YWHAQ: variants seen among roughly 807,000 people sequenced by gnomAD.
YWHAQ encodes tyrosine 3-monooxygenase/tryptophan 5-monooxygenase activation protein theta.
A neutral mutation model predicts 28.3 loss-of-function variants in YWHAQ; 6 were observed. The ratio of observed to expected loss-of-function variants is 0.21; its 90% CI spans 0.12 to 0.42. YWHAQ has a LOEUF of 0.42. YWHAQ is among the 10% of genes least tolerant of loss of function. The probability of loss-of-function intolerance (pLI) is 1.00; values close to 1 mark genes in which losing one functional copy is unlikely to be tolerated. For missense variants in YWHAQ, 201 were observed against 305.6 expected, an observed-to-expected ratio of 0.66 and a Z score of 2.55; for synonymous variants, 143 against 119.1, an observed-to-expected ratio of 1.20 and a Z score of -1.31.
chr2:9,596,686 C>A (rs1666577142), intron 2 of YWHAQ, among the ~76,000 whole-genome samples: 1 of 143,442 alleles, frequency 7.0e-6, no homozygotes, highest in South Asian at 2.2e-4. Flanking sequence ...AAGATAAAGC[C>A]AAATCTAAGC....
At chr2:9,595,456 G>A (rs564774856) in intron 2 of YWHAQ, among the ~76,000 whole-genome samples, 1 of 152,272 alleles carries the variant, frequency 6.6e-6, no homozygotes, top group East Asian at 1.9e-4. Context: ...TGTTATCCCA[G>A]CACTTTGGGA....
intron 2 of YWHAQ, among the ~76,000 whole-genome samples, chr2:9,595,640 G>T (rs367714902): frequency 6.9e-6 from 1 of 144,328 alleles, no homozygotes; most frequent in African/African-American, 2.6e-5. Context: ...GGAGGCAGAA[G>T]TTCCAGTGAG....
chr2:9,604,212 A>ATTCT (rs1666772853), intron 2 of YWHAQ, among the ~76,000 whole-genome samples: 3 of 152,104 alleles, frequency 2.0e-5, no homozygotes, highest in Non-Finnish European at 4.4e-5. Context: ...GAGTTAGAAG[A>ATTCT]ATTTTTCTTA....
At chr2:9,588,374 C>T (rs1666389104) in intron 3 of YWHAQ, 46 bp from the exon 4 acceptor site, 11 of 1,590,582 alleles carry the variant, frequency 6.9e-6, no homozygotes, top group Non-Finnish European at 9.4e-6. Context: ...AAATAACCAT[C>T]CAGTACACAG....
At position 9,630,478 on chromosome 2, in the gene YWHAQ, C is replaced by G. The variant is rs1443197542; in HGVS notation, c.-26G>C. 4 of 1,566,904 alleles carry G rather than the reference C, an allele frequency of 2.6e-6. No homozygotes were observed. The East Asian group carries it at 9.1e-5, about 36-fold the overall frequency. ...GGCGGGCGCGGGGCCGGGGCCGGGG[C>G]GGAGGGCGAGGAGAGCGAGGGCGAG... On this transcript the variant is annotated 5_prime_UTR_variant, in exon 2 of 6. Coordinates refer to ENST00000238081, the MANE Select transcript of YWHAQ (RefSeq NM_006826.4). The surrounding 1 kb of genome is among the most constrained non-coding windows in gnomAD (Gnocchi z 5.6).
chr2:9,628,572 G>A (rs1159965662), intron 2 of YWHAQ: 1 of 152,184 alleles, frequency 6.6e-6, no homozygotes, highest in African/African-American at 2.4e-5. Context: ...AATGAAATAT[G>A]CTGTAAGAGT....
At chr2:9,619,998 G>A (rs1277033183) in intron 2 of YWHAQ, among the ~76,000 whole-genome samples, 2 of 152,190 alleles carry the variant, frequency 1.3e-5, no homozygotes, top group Non-Finnish European at 2.9e-5. Context: ...AACAACAGCA[G>A]TAAGAGTTAT....
chr2:9,592,942 CT>C (rs1369739858), intron 2 of YWHAQ, among the ~76,000 whole-genome samples: 2 of 152,064 alleles, frequency 1.3e-5, no homozygotes, highest in Non-Finnish European at 2.9e-5. Context: ...AAAAGCACTG[CT>C]CTAGGAAAAG....
At chr2:9,585,464 G>T in intron 5 of YWHAQ, 119 bp from the exon 6 acceptor site, 1 of 1,121,524 alleles carries the variant, frequency 8.9e-7, no homozygotes, top group South Asian at 1.4e-5. Context: ...TGGAGATCTT[G>T]ACTAAGACTG....
At chr2:9,625,261 C>T (rs1016041816) in intron 2 of YWHAQ, among the ~76,000 whole-genome samples, 5 of 101,128 alleles carry the variant, frequency 4.9e-5, no homozygotes, top group Non-Finnish European at 1.0e-4. Context: ...GACTCCATCA[C>T]AAAAAAAAAA....
intron 3 of YWHAQ, 139 bp from the exon 4 acceptor site, chr2:9,588,467 A>G: frequency 9.6e-7 from 1 of 1,038,646 alleles, no homozygotes; most frequent in Non-Finnish European, 1.4e-6. Context: ...AAATCATGGT[A>G]GCTAACAAAA....
intron 2 of YWHAQ, among the ~76,000 whole-genome samples, chr2:9,602,988 GTTGAACTTACAGGCATA>G: frequency 6.8e-6 from 1 of 146,074 alleles, no homozygotes; most frequent in East Asian, 2.1e-4. Context: ...CTCCCCAAGT[GTTGAACTTACAGGCATA>G]AGCCACCTCA....
intron 5 of YWHAQ, among the ~76,000 whole-genome samples, chr2:9,586,773 T>G (rs1174250447): frequency 3.3e-5 from 5 of 152,236 alleles, no homozygotes; most frequent in Non-Finnish European, 7.3e-5. Context: ...TTAAAAGATT[T>G]GTTCCCTTCT....
At chr2:9,590,454 T>C (rs1373111619) in intron 3 of YWHAQ, among the ~76,000 whole-genome samples, 1 of 152,182 alleles carries the variant, frequency 6.6e-6, no homozygotes, top group Non-Finnish European at 1.5e-5. Flanking sequence ...TAACTATTTG[T>C]AGGGGTATAT....
chr2:9,618,808 C>G (rs1667086698), intron 2 of YWHAQ, among the ~76,000 whole-genome samples: 1 of 151,928 alleles, frequency 6.6e-6, no homozygotes, highest in African/African-American at 2.4e-5. Context: ...GCCACCCTGC[C>G]CAGCCTATGT....
intron 2 of YWHAQ, among the ~76,000 whole-genome samples, chr2:9,624,471 CATTTT>C (rs1667205899): frequency 6.6e-6 from 1 of 152,172 alleles, no homozygotes; most frequent in Admixed American, 6.5e-5. Context: ...TAATACAGCT[CATTTT>C]ATTTATGGAC....
intron 2 of YWHAQ, among the ~76,000 whole-genome samples, chr2:9,593,512 A>G (rs1356642716): frequency 6.6e-6 from 1 of 152,086 alleles, no homozygotes; most frequent in East Asian, 1.9e-4. Context: ...CCTGGCCCAT[A>G]AGTTATTTTT....
In YWHAQ at chr2:9,630,182, T is replaced by G. The variant is rs372545955; in HGVS notation, c.271A>C (p.Arg91=). The G allele has an allele frequency of 1.9e-6, 3 of 1,613,748 alleles. No individual in the cohort carries two copies. The highest frequency in any genetic ancestry group is 8.5e-7 in the Non-Finnish European group (1 of 1,180,022). ...ACCAGCACCGTGGTGCAGATGGATC[T>G]CAGCTCGGACTCCACTTTCTCCCGA... is the stretch of plus-strand genomic sequence containing the variant. ...DYREKVESEL[R]SICTTVLELL... The change falls in exon 2 of 6, where the codon AGA becomes CGA. Residue 91 remains arginine (R), a synonymous_variant. Transcript: ENST00000238081. This position sits in a 1 kb window ranked among gnomAD's most constrained non-coding sequence, Gnocchi z 5.6.
chr2:9,597,853 G>T (rs958721543), intron 2 of YWHAQ, among the ~76,000 whole-genome samples: 2 of 150,082 alleles, frequency 1.3e-5, no homozygotes, highest in African/African-American at 4.9e-5. Flanking sequence ...GCAATGGTGC[G>T]ATCTCGCCCA....
Sources: allele counts gnomAD v4.1 joint callset (sites outside exome capture counted in the v4.1 genomes callset), GRCh38; gene constraint gnomAD v4.1.1; non-coding constraint Gnocchi (gnomAD v3.1); transcripts MANE v1.5; gene names NCBI Gene and HGNC (gene_info 2026-07-23, HGNC 2026-07-21).